SV2C: variants seen among roughly 807,000 people sequenced by gnomAD.
SV2C encodes synaptic vesicle glycoprotein 2C.
In SV2C, 49 loss-of-function variants were observed where a neutral mutation model predicts 79.7. The ratio of observed to expected loss-of-function variants is 0.61; its 90% CI spans 0.49 to 0.78. The LOEUF is 0.78. SV2C is among the 30% of genes least tolerant of loss of function. SV2C has a pLI of 0.00. For synonymous variants in SV2C, 334 were observed against 333.2 expected (o/e 1.00, Z -0.03); for missense variants, 833 against 912.9 (o/e 0.91, Z 1.13).
chr5:76,023,436 G>T, the SV2C span, among the ~76,000 whole-genome samples: 1 of 152,000 alleles, frequency 6.6e-6, no homozygotes, highest in Non-Finnish European at 1.5e-5. Flanking sequence ...CTGAAATATG[G>T]CCAGGATATA....
the SV2C span, among the ~76,000 whole-genome samples, chr5:75,999,255 T>C: frequency 2.0e-5 from 3 of 151,908 alleles, no homozygotes; most frequent in Non-Finnish European, 4.4e-5. Context: ...CATATCAATT[T>C]GTATATATGT....
chr5:76,263,307 T>A (rs1580000217), intron 4 of SV2C, among the ~76,000 whole-genome samples: 1 of 151,706 alleles, frequency 6.6e-6, no homozygotes, highest in Non-Finnish European at 1.5e-5. Flanking sequence ...TTGCTTTCCA[T>A]CATCTGCTTG....
the SV2C span, among the ~76,000 whole-genome samples, chr5:75,901,821 A>G: frequency 6.6e-6 from 1 of 152,078 alleles, no homozygotes; most frequent in African/African-American, 2.4e-5. Context: ...CCTTGCTGCC[A>G]CCTTGCAGTT....
intron 1 of SV2C, among the ~76,000 whole-genome samples, chr5:76,103,672 G>A (rs948163051): frequency 6.6e-6 from 1 of 152,168 alleles, no homozygotes; most frequent in African/African-American, 2.4e-5. Flanking sequence ...TTTATTGAAT[G>A]CCTGGGTGCT....
intron 4 of SV2C, among the ~76,000 whole-genome samples, chr5:76,278,267 C>T (rs1352229787): frequency 6.6e-6 from 1 of 151,836 alleles, no homozygotes; most frequent in Non-Finnish European, 1.5e-5. Context: ...AAGCAGGGTT[C>T]CTGCTCTCTT....
chr5:76,298,783 G>A lies in SV2C; in HGVS notation c.1503-11G>A. ...CATTGATTGATATGAATTTTTCTGT[G>A]TGTTGGGCAGATTCATAGGGGTCAA... is the stretch of plus-strand genomic sequence containing the variant. On this transcript the variant is annotated splice_polypyrimidine_tract_variant and intron_variant, in intron 9 of 12. Transcript: ENST00000502798. 1 of 1,612,926 alleles carries A rather than the reference G, an allele frequency of 6.2e-7. No individual in the cohort carries two copies. The highest frequency in any genetic ancestry group is 8.5e-7 in the Non-Finnish European group (1 of 1,179,248).
At chr5:76,004,288 T>C in the SV2C span, among the ~76,000 whole-genome samples, 1 of 152,162 alleles carries the variant, frequency 6.6e-6, no homozygotes, top group African/African-American at 2.4e-5. Flanking sequence ...CATCAAACAG[T>C]ACATTTCTTA....
chr5:76,102,501 T>C (rs776614200), intron 1 of SV2C, among the ~76,000 whole-genome samples: 18 of 152,150 alleles, frequency 1.2e-4, no homozygotes, highest in Non-Finnish European at 2.5e-4. Flanking sequence ...CTCTTGTCTG[T>C]ATTTTGAAGG....
the SV2C span, among the ~76,000 whole-genome samples, chr5:75,984,567 A>ATCTATCTATATCTATC: frequency 6.8e-3 from 698 of 102,882 alleles, 5 homozygotes; most frequent in Middle Eastern, 0.038. Flanking sequence ...CTATCTATCT[A>ATCTATCTATATCTATC]TATCTATCTA....
At chr5:75,920,742 C>G in the SV2C span, 50 of 773,638 alleles carry the variant, frequency 6.5e-5, no homozygotes, top group Non-Finnish European at 1.0e-4. Context: ...CTTGAAGGTG[C>G]GGTTCAGGAG....
intron 2 of SV2C, among the ~76,000 whole-genome samples, chr5:76,173,077 AAAAATT>A (rs1311296846): frequency 6.8e-6 from 1 of 147,560 alleles, no homozygotes; most frequent in African/African-American, 2.4e-5. Context: ...ACAAAAAAAA[AAAAATT>A]AAAAAAACTA....
In SV2C at chr5:76,266,832, A is replaced by T. The variant is rs534456958; in HGVS notation, c.914-18330A>T. ...AAATGGGAAGTTTCATGTTATGTAT[A>T]TTTTATCACAATGAAAACAAAATAA... On this transcript the variant is annotated intron_variant, in intron 4 of 12. Transcript: ENST00000502798. 3.3e-5 allele frequency among the ~76,000 whole-genome samples: 5 copies of T among 152,248 alleles called. No individual in the cohort carries two copies. The East Asian group carries it at 7.7e-4, about 24-fold the overall frequency.
At chr5:76,259,117 T>C (rs183711836) in intron 4 of SV2C, among the ~76,000 whole-genome samples, 3 of 152,340 alleles carry the variant, frequency 2.0e-5, no homozygotes, top group Non-Finnish European at 4.4e-5. Flanking sequence ...AAGAATTAAT[T>C]TTTTTAAGGC....
chr5:75,872,057 A>G, the SV2C span, among the ~76,000 whole-genome samples: 1 of 147,080 alleles, frequency 6.8e-6, no homozygotes, highest in Non-Finnish European at 1.5e-5. Flanking sequence ...ATATATATTT[A>G]TATATACATA....
intron 12 of SV2C, among the ~76,000 whole-genome samples, chr5:76,303,455 C>T (rs574695824): frequency 6.6e-6 from 1 of 152,224 alleles, no homozygotes; most frequent in South Asian, 2.1e-4. Context: ...CAGAGAGAAC[C>T]TGTCTCAAAA....
chr5:75,871,582 G>A, the SV2C span, among the ~76,000 whole-genome samples: 45 of 152,116 alleles, frequency 3.0e-4, no homozygotes, highest in East Asian at 3.5e-3. Context: ...GGCCAAGGCC[G>A]GTGGGTCACA....
chr5:76,213,739 C>A (rs1023442085), intron 4 of SV2C, among the ~76,000 whole-genome samples: 1 of 152,118 alleles, frequency 6.6e-6, no homozygotes, highest in Non-Finnish European at 1.5e-5. Context: ...ATGATGAGAA[C>A]ACTTACTCTC....
the SV2C span, among the ~76,000 whole-genome samples, chr5:75,963,314 C>G: frequency 1.3e-5 from 2 of 152,142 alleles, no homozygotes; most frequent in African/African-American, 4.8e-5. Flanking sequence ...TGAGTACACT[C>G]ACAACGAATT....
intron 2 of SV2C, among the ~76,000 whole-genome samples, chr5:76,147,808 T>C (rs1442640129): frequency 6.6e-6 from 1 of 152,238 alleles, no homozygotes; most frequent in Non-Finnish European, 1.5e-5. Flanking sequence ...TCAAAGCTCT[T>C]TTTGCTTAAG....
Sources: gnomAD v4.1 joint callset for allele counts (sites outside exome capture counted in the v4.1 genomes callset) on GRCh38, gnomAD v4.1.1 for gene constraint, MANE v1.5 for transcripts, NCBI Gene and HGNC (gene_info 2026-07-23, HGNC 2026-07-21) for gene names.